Variants in PAPPA2 observed in about 807,000 individuals in gnomAD.
The protein encoded by PAPPA2 is pappalysin 2.
PAPPA2 carries 86 observed loss-of-function variants against 176.4 expected under a neutral mutation model. The observed-to-expected ratio is 0.49, with a 90% CI of 0.41 to 0.58. The LOEUF (loss-of-function observed/expected upper bound fraction) is 0.58, where lower values mean the gene tolerates loss of function less well. PAPPA2 is among the 20% of genes least tolerant of loss of function. The probability of loss-of-function intolerance (pLI) is 0.00; values close to 1 mark genes in which losing one functional copy is unlikely to be tolerated. For synonymous variants in PAPPA2, 809 were observed against 852.2 expected (o/e 0.95, Z 0.88); for missense variants, 2,073 against 2,256.9 (o/e 0.92, Z 1.65).
chr1:176,623,762 T>TTC lies in PAPPA2; in HGVS notation c.1991+28167_1991+28168insTC, dbSNP rs1558479693. On this transcript the variant is annotated intron_variant, in intron 3 of 22. Transcript: ENST00000367662. ...TTTCTCTCTCTTTCCTTCCTTCCTT[T>TTC]CTTTCTTTCTTTCTTTCTTTCTTTC... Among the ~76,000 whole-genome samples the TTC allele has an allele frequency of 1.1e-3, 72 of 65,620 alleles. 1 individual carries two copies. The highest frequency in any genetic ancestry group is 4.2e-3 in the African/African-American group (47 of 11,076). The allele number at this position is 65,620 out of a possible 152,430, so 43.0% of individuals were successfully genotyped here.
In PAPPA2 at chr1:176,842,636, G is replaced by T. The variant is rs1189105144; in HGVS notation, c.*182G>T. On this transcript the variant is annotated 3_prime_UTR_variant, in exon 23 of 23. Transcript: ENST00000367662. ...TAGGTGTGAACTAGTTCATCAAGTA[G>T]CCCAAGTAGGAGAGAATCATAGGCA... 6.7e-6 allele frequency: 4 copies of T among 594,980 alleles called. No homozygotes were observed. The highest frequency in any genetic ancestry group is 1.2e-5 in the Non-Finnish European group (4 of 342,768). 36.9% of individuals were successfully genotyped at this position (594,980 alleles called of 1,614,324 possible).
chr1:176,715,418 G>A (rs962435420), intron 12 of PAPPA2, among the ~76,000 whole-genome samples: 1 of 152,180 alleles, frequency 6.6e-6, no homozygotes, highest in African/African-American at 2.4e-5. Flanking sequence ...CACCCCCACT[G>A]GAGCAGGGGA....
intron 2 of PAPPA2, among the ~76,000 whole-genome samples, chr1:176,567,175 A>AT (rs1011522872): frequency 5.3e-5 from 8 of 152,084 alleles, no homozygotes; most frequent in African/African-American, 1.9e-4. Flanking sequence ...TCCTTTTTGG[A>AT]TTTTTTAAAG....
At chr1:176,480,104 C>T (rs944608704) in intron 1 of PAPPA2, among the ~76,000 whole-genome samples, 10 of 152,136 alleles carry the variant, frequency 6.6e-5, no homozygotes, top group African/African-American at 1.7e-4. Context: ...GGAGAGAAGC[C>T]GGCTGGTGGG....
In PAPPA2 at chr1:176,623,726, C is replaced by CTT. The variant is rs773945753; in HGVS notation, c.1991+28132_1991+28133insTT. ...TCTTTCTTTTCTTCTTTCTTTCTTTCTCTTTCTTTCTTTCTCTCTCTTTCC... is the reference window on the plus strand; with the variant it reads ...TCTTTCTTTTCTTCTTTCTTTCTTTCTTTCTTTCTTTCTTTCTCTCTCTTTCC... On this transcript the variant is annotated intron_variant, in intron 3 of 22. Coordinates refer to ENST00000367662, the MANE Select transcript of PAPPA2 (RefSeq NM_020318.3). Among the ~76,000 whole-genome samples, 90 of 97,386 alleles carry CTT rather than the reference C, an allele frequency of 9.2e-4. 1 individual carries two copies. Among genetic ancestry groups the CTT allele is most frequent in the Admixed American group, 2.8e-3 (28 of 10,028 alleles). 63.9% of individuals were successfully genotyped at this position (97,386 alleles called of 152,430 possible). A position where few individuals can be genotyped will look rare whatever the true frequency, so the allele number is the denominator to read the frequency against.
intron 21 of PAPPA2, among the ~76,000 whole-genome samples, chr1:176,825,490 C>T (rs1244662307): frequency 6.6e-6 from 1 of 152,012 alleles, no homozygotes; most frequent in Non-Finnish European, 1.5e-5. Flanking sequence ...AGCGGCTTTC[C>T]AGAGGAATAG....
chr1:176,556,738 A>G lies in PAPPA2; in HGVS notation c.416A>G (p.Glu139Gly). The change falls in exon 2 of 23, where the codon GAG becomes GGG. Residue 139 changes from glutamate (E) to glycine (G), a missense_variant. Glu to Gly is a moderately conservative substitution (Grantham distance 98). Around this residue, in one of 4 missense-constraint regions of PAPPA2, gnomAD observed 1,196 missense variants for 1,330.4 expected, o/e 0.90. Coordinates refer to ENST00000367662, the MANE Select transcript of PAPPA2 (RefSeq NM_020318.3). ...GGGGATAGTCCTATTGGGCAATCTG[A>G]GCTGCTGGGAGATGATGACGCTTAT... The part of the protein sequence containing the change: ...WVGDSPIGQS[E>G]LLGDDDAYLG... 6.2e-7 allele frequency: 1 copy of G among 1,614,052 alleles called. No homozygotes were observed.
intron 2 of PAPPA2, among the ~76,000 whole-genome samples, chr1:176,567,011 A>G (rs765062706): frequency 6.6e-6 from 1 of 152,158 alleles, no homozygotes; most frequent in Non-Finnish European, 1.5e-5. Flanking sequence ...TGGAATTAAC[A>G]TTATTCTGGG....
At chr1:176,623,625 TTTTTA>T in intron 3 of PAPPA2, among the ~76,000 whole-genome samples, 11 of 136,452 alleles carry the variant, frequency 8.1e-5, no homozygotes, top group East Asian at 4.7e-4. Context: ...CTTCCTTCCT[TTTTTA>T]CTTTCTTTCT....
intron 17 of PAPPA2, among the ~76,000 whole-genome samples, chr1:176,781,397 T>C (rs948910615): frequency 4.0e-4 from 43 of 108,378 alleles, no homozygotes; most frequent in African/African-American, 1.8e-3. Context: ...TTTTTTTTTT[T>C]TGTCAGGGAA....
At position 176,806,154 on chromosome 1, in the gene PAPPA2, ACT is replaced by A. The variant is rs984907214; in HGVS notation, c.5202+6025_5202+6026del. Among the ~76,000 whole-genome samples the A allele has an allele frequency of 3.3e-5, 5 of 152,098 alleles. No homozygotes were observed. The South Asian group carries it at 6.2e-4, about 19-fold the overall frequency. On this transcript the variant is annotated intron_variant, in intron 21 of 22. Transcript: ENST00000367662. ...AAAGTTTGGGAGGAAATTTCCAATAACTCTGTCTGAGCCTGAGCTGCCATTTC... is the reference window on the plus strand; with the variant it reads ...AAAGTTTGGGAGGAAATTTCCAATAACTGTCTGAGCCTGAGCTGCCATTTC...
intron 3 of PAPPA2, among the ~76,000 whole-genome samples, chr1:176,631,641 A>G (rs1656344627): frequency 6.6e-6 from 1 of 152,234 alleles, no homozygotes; most frequent in Non-Finnish European, 1.5e-5. Flanking sequence ...GGATTTGACA[A>G]TATGGATAAA....
intron 1 of PAPPA2, among the ~76,000 whole-genome samples, chr1:176,522,706 G>A (rs1231170346): frequency 6.6e-6 from 1 of 152,224 alleles, no homozygotes; most frequent in Non-Finnish European, 1.5e-5. Context: ...TCATTGCCAT[G>A]CCTCTTGCTT....
intron 22 of PAPPA2, among the ~76,000 whole-genome samples, chr1:176,840,694 A>G (rs1400310978): frequency 6.6e-6 from 1 of 152,138 alleles, no homozygotes; most frequent in Non-Finnish European, 1.5e-5. Context: ...CACATGTTAA[A>G]TGGCTGCCAC....
rs1042085128 is a variant in PAPPA2, at chr1:176,842,632, A to T, written c.*178A>T. ...TTGATAGGTGTGAACTAGTTCATCA[A>T]GTAGCCCAAGTAGGAGAGAATCATA... On this transcript the variant is annotated 3_prime_UTR_variant, in exon 23 of 23. Transcript: ENST00000367662. The T allele has an allele frequency of 1.3e-5, 8 of 600,608 alleles. No individual in the cohort carries two copies. Among genetic ancestry groups the T allele is most frequent in the Non-Finnish European group, 2.3e-5 (8 of 346,192 alleles). The allele number at this position is 600,608 out of a possible 1,614,324, so 37.2% of individuals were successfully genotyped here.
rs1248367126 is a variant in PAPPA2, at chr1:176,843,875, CTT to C, written c.*1422_*1423del. Reference sequence around the variant, plus strand: ...AAAATCTGTGAGCCAGAGATTTTGACTTGAGCAAGCCATGGAAATGCATGGAG... The same window carrying C: ...AAAATCTGTGAGCCAGAGATTTTGACGAGCAAGCCATGGAAATGCATGGAG... On this transcript the variant is annotated 3_prime_UTR_variant, in exon 23 of 23. Transcript: ENST00000367662. The C allele has an allele frequency of 1.3e-5, 2 of 152,098 alleles. No homozygotes were observed. The highest frequency in any genetic ancestry group is 2.9e-5 in the Non-Finnish European group (2 of 68,012). 9.4% of individuals were successfully genotyped at this position (152,098 alleles called of 1,614,324 possible). A position where few individuals can be genotyped will look rare whatever the true frequency, so the allele number is the denominator to read the frequency against.
At position 176,611,328 on chromosome 1, in the gene PAPPA2, A is replaced by T. The variant is rs551471932; in HGVS notation, c.1991+15733A>T. On this transcript the variant is annotated intron_variant, in intron 3 of 22. Transcript: ENST00000367662. The stretch of plus-strand genomic sequence containing the variant: ...AATAATAACTGCTGTTTGTTCAATG[A>T]CCTAACCATTAAAAGTGAAAACAAG... Among the ~76,000 whole-genome samples, 4 of 152,334 alleles carry T rather than the reference A, an allele frequency of 2.6e-5. 1 individual carries two copies. The highest frequency in any genetic ancestry group is 1.3e-4 in the Admixed American group (2 of 15,304).
At chr1:176,697,016 A>T (rs1432495380) in intron 7 of PAPPA2, among the ~76,000 whole-genome samples, 1 of 152,122 alleles carries the variant, frequency 6.6e-6, no homozygotes, top group Non-Finnish European at 1.5e-5. Context: ...CTAAACAGAG[A>T]TTTGCATTTC....
chr1:176,634,035 C>T (rs975312314), intron 3 of PAPPA2, among the ~76,000 whole-genome samples: 5 of 152,144 alleles, frequency 3.3e-5, no homozygotes, highest in African/African-American at 4.8e-5. Flanking sequence ...GACAGTGTGG[C>T]GATTCCTCGG....
Sources: allele counts gnomAD v4.1 joint callset (sites outside exome capture counted in the v4.1 genomes callset), GRCh38; gene constraint gnomAD v4.1.1; regional missense constraint gnomAD v4.1.1; transcripts MANE v1.5; gene names NCBI Gene and HGNC (gene_info 2026-07-23, HGNC 2026-07-21).